FAM234A: variants seen among roughly 807,000 people sequenced by gnomAD.
FAM234A encodes the protein protein FAM234A.
FAM234A carries 42 observed loss-of-function variants against 49.1 expected under a neutral mutation model. The observed-to-expected ratio is 0.86, with a 90% CI of 0.67 to 1.11. The LOEUF is 1.11. Ranked by LOEUF, FAM234A falls within the 50% of genes least tolerant of loss-of-function variation. FAM234A has a pLI of 0.00. For synonymous variants in FAM234A, 369 were observed against 316.2 expected (o/e 1.17, Z -1.77); for missense variants, 815 against 745.2 (o/e 1.09, Z -1.09).
intron 2 of FAM234A, among the ~76,000 whole-genome samples, chr16:251,276 G>A (rs2050995122): frequency 6.6e-6 from 1 of 152,158 alleles, no homozygotes; most frequent in South Asian, 2.1e-4. Context: ...TATGTTGTTG[G>A]ACATCTGGGT....
chr16:237,731 A>G (rs1313015231), intron 1 of FAM234A, among the ~76,000 whole-genome samples: 2 of 128,898 alleles, frequency 1.6e-5, no homozygotes, highest in Non-Finnish European at 3.3e-5. Context: ...TTTTTTTTTG[A>G]GACAGAGTCT....
At chr16:251,550 G>T (rs1423582811) in intron 2 of FAM234A, among the ~76,000 whole-genome samples, 2 of 151,432 alleles carry the variant, frequency 1.3e-5, no homozygotes, top group Non-Finnish European at 2.9e-5. Flanking sequence ...AATTTTTTTG[G>T]TATTTTTAGT....
intron 1 of FAM234A, among the ~76,000 whole-genome samples, chr16:238,257 G>A (rs894058576): frequency 1.3e-5 from 2 of 152,094 alleles, no homozygotes; most frequent in Non-Finnish European, 1.5e-5. Context: ...GATGTCAAGT[G>A]ATCTGCCCAT....
chr16:260,325 C>T (rs528459673), intron 5 of FAM234A, 165 bp downstream of exon 5: 4 of 669,098 alleles, frequency 6.0e-6, no homozygotes, highest in South Asian at 3.5e-5. Flanking sequence ...AGGCTGCAAG[C>T]GTGTGGAAGG....
intron 1 of FAM234A, among the ~76,000 whole-genome samples, chr16:237,713 CTTT>C (rs398058030): frequency 6.6e-5 from 9 of 137,310 alleles, no homozygotes; most frequent in Admixed American, 2.2e-4. Flanking sequence ...TAATGAAATT[CTTT>C]TTTTTTTTTT....
At chr16:248,494 T>G (rs2050892790) in intron 1 of FAM234A, 1 of 152,034 alleles carries the variant, frequency 6.6e-6, no homozygotes, top group South Asian at 2.1e-4. Flanking sequence ...TTGTATACTT[T>G]ATATACTCCA....
At chr16:260,430 C>A (rs921155440) in intron 5 of FAM234A, 3 of 534,118 alleles carry the variant, frequency 5.6e-6, no homozygotes, top group Non-Finnish European at 1.1e-5. Context: ...CCGATGTCAC[C>A]TGCCATGGGG....
At position 265,142 on chromosome 16, in the gene FAM234A, C is replaced by G; in HGVS notation, c.*120C>G. On this transcript the variant is annotated 3_prime_UTR_variant, in exon 13 of 13. Coordinates refer to ENST00000399932, the MANE Select transcript of FAM234A (RefSeq NM_032039.4). ...CCACTCCTGACCCTGGTGATGGTCG[C>G]CACTGGGCAGCAGCAGCCTTACCAG... is the stretch of plus-strand genomic sequence containing the variant. The G allele has an allele frequency of 6.9e-7, 1 of 1,449,566 alleles. No individual in the cohort carries two copies. The highest frequency in any genetic ancestry group is 1.9e-4 in the Middle Eastern group (1 of 5,130). The allele number at this position is 1,449,566 out of a possible 1,614,324, so 89.8% of individuals were successfully genotyped here. A position where few individuals can be genotyped will look rare whatever the true frequency, so the allele number is the denominator to read the frequency against.
intron 1 of FAM234A, among the ~76,000 whole-genome samples, chr16:244,260 G>C (rs113627759): frequency 1.4e-4 from 21 of 152,314 alleles, no homozygotes; most frequent in African/African-American, 3.8e-4. Context: ...GAGCCACCGC[G>C]CCCGGTCGGA....
At chr16:261,971 C>G in intron 6 of FAM234A, 122 bp from the exon 7 acceptor site, 1 of 1,386,266 alleles carries the variant, frequency 7.2e-7, no homozygotes, top group Non-Finnish European at 9.9e-7. Context: ...GCTCACGTCC[C>G]TCTCTTCCTG....
chr16:251,417 C>G (rs573825297), intron 2 of FAM234A, among the ~76,000 whole-genome samples: 7 of 151,938 alleles, frequency 4.6e-5, no homozygotes, highest in Non-Finnish European at 7.4e-5. Flanking sequence ...CTCTGTCACC[C>G]AGGTGGCAGT....
At chr16:269,511 C>T (rs1172325746), downstream of FAM234A, 5 of 1,613,048 alleles carry the variant, frequency 3.1e-6, no homozygotes, top group Admixed American at 1.7e-5. Context: ...ACCGTCTCTT[C>T]ATCTCCAGCG....
intron 2 of FAM234A, among the ~76,000 whole-genome samples, chr16:251,252 A>G: frequency 6.6e-6 from 1 of 152,186 alleles, no homozygotes; most frequent in Non-Finnish European, 1.5e-5. Flanking sequence ...CACTGCGCCC[A>G]GCCGATACGT....
At chr16:241,060 G>T (rs2050594946) in intron 1 of FAM234A, among the ~76,000 whole-genome samples, 1 of 152,006 alleles carries the variant, frequency 6.6e-6, no homozygotes, top group South Asian at 2.1e-4. Context: ...GCTGGGACTA[G>T]AGGCACATAC....
downstream of FAM234A, chr16:268,928 T>C (rs767101229): frequency 8.6e-5 from 133 of 1,550,340 alleles, no homozygotes; most frequent in Non-Finnish European, 1.1e-4. Context: ...GTTTTAGAGA[T>C]GGGGATGGGC....
Position 259,480 on chromosome 16 carries a change from C to A in FAM234A, c.269-3C>A. 6.5e-7 allele frequency: 1 copy of A among 1,546,754 alleles called. No homozygotes were observed. Among genetic ancestry groups the A allele is most frequent in the Admixed American group, 1.7e-5 (1 of 59,592 alleles). On this transcript the variant is annotated splice_region_variant and splice_polypyrimidine_tract_variant and intron_variant, in intron 3 of 12. Coordinates refer to ENST00000399932, the MANE Select transcript of FAM234A (RefSeq NM_032039.4). ...GAGTATAGTCTGTGGTTTTCTCTTT[C>A]AGTTATCTATGACTTTCTGGCTGTG...
At position 264,046 on chromosome 16, in the gene FAM234A, G is replaced by A. The variant is rs375509833; in HGVS notation, c.1219G>A (p.Val407Ile). 46 of 1,613,080 alleles carry A rather than the reference G, an allele frequency of 2.9e-5. No individual in the cohort carries two copies. The highest frequency in any genetic ancestry group is 3.3e-4 in the Middle Eastern group (2 of 6,084). Reference protein sequence around the residue: ...ILFLDLGTGAVLCSLALPSLP... With the variant: ...ILFLDLGTGAILCSLALPSLP... ...GTTTCTGGACCTTGGCACTGGAGCC[G>A]TCCTGTGTAGCCTAGCCCTCCCGAG... The change falls in exon 11 of 13, where the codon GTC (valine) becomes ATC (isoleucine). Residue 407 changes from valine to isoleucine, a missense_variant. Physicochemically the swap from Val to Ile is conservative, Grantham distance 29. Coordinates refer to ENST00000399932, the MANE Select transcript of FAM234A (RefSeq NM_032039.4).
downstream of FAM234A, chr16:268,989 G>C (rs560916674): frequency 3.3e-6 from 5 of 1,503,502 alleles, no homozygotes; most frequent in South Asian, 1.2e-5. Flanking sequence ...TGTGGCCTTG[G>C]TCTCACCTCT....
At chr16:259,212 T>C (rs928662885) in intron 3 of FAM234A, among the ~76,000 whole-genome samples, 4 of 152,208 alleles carry the variant, frequency 2.6e-5, no homozygotes, top group South Asian at 2.1e-4. Flanking sequence ...GGGAGGGATT[T>C]ATCCCTGAAC....
Sources: allele counts gnomAD v4.1 joint callset (sites outside exome capture counted in the v4.1 genomes callset), GRCh38; gene constraint gnomAD v4.1.1; transcripts MANE v1.5; gene names NCBI Gene and HGNC (gene_info 2026-07-23, HGNC 2026-07-21).